The following DNAJC5G variants were observed in gnomAD, a reference collection of about 807,000 sequenced individuals.
DNAJC5G encodes DnaJ heat shock protein family (Hsp40) member C5 gamma.
A neutral mutation model predicts 19.1 loss-of-function variants in DNAJC5G; 13 were observed. That is an observed-to-expected ratio of 0.68 (90% confidence interval 0.44 to 1.08). DNAJC5G has a LOEUF of 1.08. DNAJC5G is among the 50% of genes least tolerant of loss of function. DNAJC5G has a pLI of 0.00. For synonymous variants in DNAJC5G, 81 were observed against 84.4 expected, an observed-to-expected ratio of 0.96 and a Z score of 0.22; for missense variants, 245 against 230.4, an observed-to-expected ratio of 1.06 and a Z score of -0.41.
intron 5 of DNAJC5G, among the ~76,000 whole-genome samples, chr2:27,279,649 T>C (rs1364338144): frequency 6.6e-6 from 1 of 151,254 alleles, no homozygotes; most frequent in Non-Finnish European, 1.5e-5. Context: ...CAGTGGCTTG[T>C]GCCTGTAATC....
At chr2:27,278,683 C>CAAAA (rs1180058010) in intron 5 of DNAJC5G, among the ~76,000 whole-genome samples, 20 of 26,730 alleles carry the variant, frequency 7.5e-4, no homozygotes, top group African/African-American at 1.6e-3. Context: ...GACTCCATCT[C>CAAAA]AAAAAAAAAA....
intron 5 of DNAJC5G, 127 bp from the exon 6 acceptor site, chr2:27,280,039 T>G (rs1451311225): frequency 1.2e-6 from 1 of 823,256 alleles, no homozygotes; most frequent in East Asian, 2.5e-5. Flanking sequence ...ATAAGCTGAT[T>G]GAACTTGACA....
At chr2:27,280,116 AAAG>A (rs1558577769) in intron 5 of DNAJC5G, 47 bp from the exon 6 acceptor site, 1 of 1,580,452 alleles carries the variant, frequency 6.3e-7, no homozygotes, top group Admixed American at 1.7e-5. Flanking sequence ...TACACTACGA[AAAG>A]TTACTAAACG....
rs149067267 is a variant in DNAJC5G at position 27,278,108 on chromosome 2, G to A, written c.376-80G>A. 2.9e-5 allele frequency: 46 copies of A among 1,609,998 alleles called. No individual in the cohort carries two copies. In the African/African-American group the frequency reaches 5.5e-4, roughly 19 times the overall value. On this transcript the variant is annotated intron_variant, in intron 4 of 6. Transcript: ENST00000296097. Reference sequence around the variant, plus strand: ...GCTTCTGTTGTCTCATTTTCTGGGTGCCAGGAGGATTGAGGGAGGGAAGCT... The same window carrying A: ...GCTTCTGTTGTCTCATTTTCTGGGTACCAGGAGGATTGAGGGAGGGAAGCT...
chr2:27,278,987 A>T (rs1678246823), intron 5 of DNAJC5G, among the ~76,000 whole-genome samples: 1 of 148,994 alleles, frequency 6.7e-6, no homozygotes, highest in African/African-American at 2.5e-5. Flanking sequence ...CTTGGGCAAC[A>T]GAGTGAGACT....
rs1248264369 is a variant in DNAJC5G, at chr2:27,281,311, C to G, written c.*901C>G. 1 of 152,306 alleles carries G rather than the reference C, an allele frequency of 6.6e-6. No homozygotes were observed. Among genetic ancestry groups the G allele is most frequent in the Non-Finnish European group, 1.5e-5 (1 of 68,034 alleles). The allele number at this position is 152,306 out of a possible 1,614,324, so 9.4% of individuals were successfully genotyped here. A position where few individuals can be genotyped will look rare whatever the true frequency, so the allele number is the denominator to read the frequency against. On this transcript the variant is annotated 3_prime_UTR_variant, in exon 7 of 7. Transcript: ENST00000296097. ...CCTCTTTGTGCTGCTGTTTCGTATC[C>G]TCCTCACACCGTGTATTTCCCACCC...
At position 27,277,900 on chromosome 2, in the gene DNAJC5G, ACT is replaced by A; in HGVS notation, c.263_264del (p.Ser88Ter). On this transcript the variant is annotated frameshift_variant, in exon 4 of 7. Transcript: ENST00000296097. LOFTEE classifies it high-confidence loss of function. ...AACGCAGCTCATGCCATACTGAGCG[ACT>A]CTAAGAAGCGGAAAATTTACGACCA... 6.2e-7 allele frequency: 1 copy of A among 1,613,962 alleles called. No homozygotes were observed. The highest frequency in any genetic ancestry group is 8.5e-7 in the Non-Finnish European group (1 of 1,180,004).
intron 5 of DNAJC5G, among the ~76,000 whole-genome samples, chr2:27,278,599 G>C (rs896679311): frequency 2.1e-5 from 3 of 145,634 alleles, no homozygotes; most frequent in African/African-American, 7.7e-5. Context: ...CAGAAGAATC[G>C]CTTGAACCCG....
Position 27,276,793 on chromosome 2 carries a change from T to C in DNAJC5G, c.65T>C (p.Leu22Pro), listed in dbSNP as rs1471875823. ...AGTGAGATGAGCCTCTATGCAGTGC[T>C]GGATCTTAAGAAGGGCGCCTCACCT... ...SKSEMSLYAV[L>P]DLKKGASPED... The change falls in exon 3 of 7, where the codon CTG becomes CCG. Residue 22 changes from leucine (L) to proline (P), a missense_variant. Coordinates refer to ENST00000296097, the MANE Select transcript of DNAJC5G (RefSeq NM_173650.3). 1 of 1,614,194 alleles carries C rather than the reference T, an allele frequency of 6.2e-7. No individual in the cohort carries two copies. The highest frequency in any genetic ancestry group is 8.5e-7 in the Non-Finnish European group (1 of 1,180,032).
chr2:27,279,577 A>G (rs11126950), intron 5 of DNAJC5G, among the ~76,000 whole-genome samples: 42,845 of 151,900 alleles, frequency 0.28, 6,851 homozygotes, highest in African/African-American at 0.42. Flanking sequence ...GTTTATAGGC[A>G]TGAGCCACTG....
chr2:27,277,848 C>G lies in DNAJC5G; in HGVS notation c.208C>G (p.Gln70Glu). Residue 70 changes from glutamine to glutamate, a missense_variant, in exon 4 of 7, where the codon CAA becomes GAA. Coordinates refer to ENST00000296097, the MANE Select transcript of DNAJC5G (RefSeq NM_173650.3). ...TCCCGACAAGAATCCAGGGAATGCT[C>G]AAGCAGCAGAAATATTCAAAGAGAT... The part of the protein sequence containing the change: ...YHPDKNPGNA[Q>E]AAEIFKEINA... The G allele has an allele frequency of 6.2e-7, 1 of 1,614,172 alleles. No individual in the cohort carries two copies. Among genetic ancestry groups the G allele is most frequent in the Non-Finnish European group, 8.5e-7 (1 of 1,180,038 alleles).
At chr2:27,278,683 CAAAAAAAAAAAAAAA>C (rs1180058010) in intron 5 of DNAJC5G, among the ~76,000 whole-genome samples, 2 of 26,740 alleles carry the variant, frequency 7.5e-5, no homozygotes, top group East Asian at 2.3e-3. Context: ...GACTCCATCT[CAAAAAAAAAAAAAAA>C]AAAAAAAAAA....
chr2:27,277,091 A>AC (rs1678127540), intron 3 of DNAJC5G, among the ~76,000 whole-genome samples: 1 of 151,750 alleles, frequency 6.6e-6, no homozygotes, highest in Non-Finnish European at 1.5e-5. Flanking sequence ...ACAGGCGTGC[A>AC]CCACCACGCC....
Position 27,276,816 on chromosome 2 carries a change from C to A in DNAJC5G, c.88C>A (p.Pro30Thr), listed in dbSNP as rs374325862. 5.6e-6 allele frequency: 9 copies of A among 1,613,886 alleles called. No homozygotes were observed. Among genetic ancestry groups the A allele is most frequent in the Non-Finnish European group, 6.8e-6 (8 of 1,179,994 alleles). ...AVLDLKKGAS[P>T]EDFKKSYSHS... ...GCTGGATCTTAAGAAGGGCGCCTCA[C>A]CTGAAGACTTCAAAAAATCCTACAG... Residue 30 changes from proline to threonine, a missense_variant, in exon 3 of 7, where the codon CCT becomes ACT. Transcript: ENST00000296097.
At chr2:27,278,413 G>A in intron 5 of DNAJC5G, 81 bp downstream of exon 5, 1 of 1,559,852 alleles carries the variant, frequency 6.4e-7, no homozygotes, top group Non-Finnish European at 8.7e-7. Context: ...GGGCACAATG[G>A]CTCATGCCTG....
Position 27,275,435 on chromosome 2 carries a change from C to T in DNAJC5G, c.-404C>T, listed in dbSNP as rs1424317495. On this transcript the variant is annotated 5_prime_UTR_variant, in exon 1 of 7. Coordinates refer to ENST00000296097, the MANE Select transcript of DNAJC5G (RefSeq NM_173650.3). The stretch of plus-strand genomic sequence containing the variant: ...CCGGGGGCGCCAAAAAACGACCTGC[C>T]CAGACCCTCAGCGTCGACGCTGCGC... 2.8e-6 allele frequency: 1 copy of T among 358,896 alleles called. No homozygotes were observed. The highest frequency in any genetic ancestry group is 2.1e-5 in the African/African-American group (1 of 46,752). The allele number at this position is 358,896 out of a possible 1,614,324, so 22.2% of individuals were successfully genotyped here. A position where few individuals can be genotyped will look rare whatever the true frequency, so the allele number is the denominator to read the frequency against.
At chr2:27,280,294 G>C (rs1678314379) in intron 6 of DNAJC5G, 61 bp downstream of exon 6, 6 of 1,391,082 alleles carry the variant, frequency 4.3e-6, no homozygotes, top group Non-Finnish European at 6.1e-6. Flanking sequence ...GCTAACGTCA[G>C]ATGAGTCATT....
At position 27,281,366 on chromosome 2, in the gene DNAJC5G, A is replaced by G. The variant is rs1484459761; in HGVS notation, c.*956A>G. On this transcript the variant is annotated 3_prime_UTR_variant, in exon 7 of 7. Transcript: ENST00000296097. ...AGGGTCACAGCCTACTAATTCCTCA[A>G]ACTTCTCTCCCTGGACTAGGAGAAA... The G allele has an allele frequency of 6.6e-6, 1 of 152,294 alleles. No individual in the cohort carries two copies. Among genetic ancestry groups the G allele is most frequent in the African/African-American group, 2.4e-5 (1 of 41,414 alleles). 9.4% of individuals were successfully genotyped at this position (152,294 alleles called of 1,614,324 possible). A position where few individuals can be genotyped will look rare whatever the true frequency, so the allele number is the denominator to read the frequency against.
intron 5 of DNAJC5G, among the ~76,000 whole-genome samples, chr2:27,279,164 C>T (rs533640083): frequency 6.6e-6 from 1 of 152,114 alleles, no homozygotes; most frequent in South Asian, 2.1e-4. Context: ...GTGCATCACA[C>T]GACAAACTGA....
Sources: gnomAD v4.1 joint callset for allele counts (sites outside exome capture counted in the v4.1 genomes callset) on GRCh38, gnomAD v4.1.1 for gene constraint, MANE v1.5 for transcripts, NCBI Gene and HGNC (gene_info 2026-07-23, HGNC 2026-07-21) for gene names.